Variants in MAN1A1 observed in about 807,000 individuals in gnomAD.
MAN1A1 encodes mannosidase alpha class 1A member 1.
Under a neutral mutation model 70.8 loss-of-function variants are expected in MAN1A1, and 29 were observed. The ratio of observed to expected loss-of-function variants is 0.41; its 90% confidence interval spans 0.31 to 0.56. The LOEUF is 0.56. Ranked by LOEUF, MAN1A1 falls within the 20% of genes least tolerant of loss-of-function variation. The pLI is 0.29. For synonymous variants in MAN1A1, 349 were observed against 330.1 expected (o/e 1.06, Z -0.62); for missense variants, 747 against 841.3 (o/e 0.89, Z 1.39).
Position 119,348,762 on chromosome 6 carries a change from C to T in MAN1A1, c.304G>A (p.Ala102Thr), listed in dbSNP as rs755568292. Reference sequence around the variant, plus strand: ...GGTGCCCCCTCCTCGCGGCGCCGGGCTCGCCCCTCGGCCGCGTCCTCGGCG... The same window carrying T: ...GGTGCCCCCTCCTCGCGGCGCCGGGTTCGCCCCTCGGCCGCGTCCTCGGCG... ...ARAEDAAEGRARRREEGAPGD... is the reference protein window; with the variant it reads ...ARAEDAAEGRTRRREEGAPGD... Residue 102 changes from alanine (A) to threonine (T), a missense_variant, in exon 2 of 13, where the codon GCC (alanine) becomes ACC (threonine). Physicochemically the swap from Ala to Thr is moderately conservative, Grantham distance 58. This residue lies in a region of MAN1A1 where 328 missense variants were observed against 293.1 expected (regional missense o/e 1.12). Transcript: ENST00000368468. 21 of 1,539,366 alleles carry T rather than the reference C, an allele frequency of 1.4e-5. No individual in the cohort carries two copies. The highest frequency in any genetic ancestry group is 2.6e-5 in the East Asian group (1 of 38,286).
chr6:119,211,499 A>G (rs563440421), intron 6 of MAN1A1, among the ~76,000 whole-genome samples: 1 of 152,378 alleles, frequency 6.6e-6, no homozygotes, highest in East Asian at 1.9e-4. Flanking sequence ...CCGAAAAGCA[A>G]AAACAAAGAG....
At chr6:119,322,416 C>T (rs1020769517) in intron 2 of MAN1A1, among the ~76,000 whole-genome samples, 10 of 152,174 alleles carry the variant, frequency 6.6e-5, no homozygotes, top group Admixed American at 5.2e-4. Context: ...CTCAGATCTC[C>T]GTTCTATTCG....
chr6:119,320,473 T>C (rs1772975694), intron 2 of MAN1A1, among the ~76,000 whole-genome samples: 1 of 152,190 alleles, frequency 6.6e-6, no homozygotes. Context: ...GCAGTATTTT[T>C]CATATTATTT....
chr6:119,179,054 A>C lies in MAN1A1; in HGVS notation c.*765T>G, dbSNP rs560456113. On this transcript the variant is annotated 3_prime_UTR_variant, in exon 13 of 13. Transcript: ENST00000368468. ...ATAGCAGAGCTCTGCAAAATTTGAA[A>C]GCTCACCTCTCTGTGTAGTGGGGAA... The C allele has an allele frequency of 1.4e-3, 209 of 152,304 alleles. 2 individuals carry two copies. The highest frequency in any genetic ancestry group is 4.8e-3 in the African/African-American group (201 of 41,576). 9.4% of individuals were successfully genotyped at this position (152,304 alleles called of 1,614,324 possible). A position where few individuals can be genotyped will look rare whatever the true frequency, so the allele number is the denominator to read the frequency against.
chr6:119,202,690 C>T (rs974602887), intron 7 of MAN1A1, among the ~76,000 whole-genome samples: 26 of 152,178 alleles, frequency 1.7e-4, no homozygotes, highest in Admixed American at 8.5e-4. Flanking sequence ...GTCACAAGGC[C>T]GTAGGAATTT....
intron 5 of MAN1A1, among the ~76,000 whole-genome samples, chr6:119,274,880 A>G (rs1469779665): frequency 6.6e-6 from 1 of 152,224 alleles, no homozygotes; most frequent in Non-Finnish European, 1.5e-5. Flanking sequence ...AAACATGGGA[A>G]AGAAAATGAG....
chr6:119,301,899 C>T (rs1038902946), intron 4 of MAN1A1, 89 bp downstream of exon 4: 1 of 675,618 alleles, frequency 1.5e-6, no homozygotes, highest in South Asian at 1.9e-5. Flanking sequence ...TGTTAGGGTA[C>T]ATTATAATAC....
chr6:119,299,392 G>GA (rs3839396), intron 4 of MAN1A1, among the ~76,000 whole-genome samples: 20,858 of 151,878 alleles, frequency 0.14, 1,756 homozygotes, highest in Admixed American at 0.26. Context: ...CTTATATTAA[G>GA]AAAATAGTAT....
chr6:119,271,755 C>T (rs1345202161), intron 5 of MAN1A1, among the ~76,000 whole-genome samples: 3 of 152,094 alleles, frequency 2.0e-5, no homozygotes, highest in Non-Finnish European at 4.4e-5. Flanking sequence ...CTGCCTGCCT[C>T]GGCCTCCCAA....
In MAN1A1 at chr6:119,306,744, T is replaced by C. The variant is rs1473466506; in HGVS notation, c.700+152A>G. ...CCACTACTCTAGCTGAAGGACACAC[T>C]ATGCACAATCCTTATCTAATTCCAT... On this transcript the variant is annotated intron_variant, in intron 3 of 12. Coordinates refer to ENST00000368468, the MANE Select transcript of MAN1A1 (RefSeq NM_005907.4). 6 of 639,224 alleles carry C rather than the reference T, an allele frequency of 9.4e-6. No homozygotes were observed. The Admixed American group carries it at 1.5e-4, about 15-fold the overall frequency. 39.6% of individuals were successfully genotyped at this position (639,224 alleles called of 1,614,324 possible). A position where few individuals can be genotyped will look rare whatever the true frequency, so the allele number is the denominator to read the frequency against.
intron 8 of MAN1A1, among the ~76,000 whole-genome samples, chr6:119,194,957 C>T (rs145627507): frequency 0.11 from 16,611 of 151,832 alleles, 1,515 homozygotes; most frequent in African/African-American, 0.25. Flanking sequence ...CTCAGCCTCC[C>T]GAGTAGCTGG....
intron 2 of MAN1A1, among the ~76,000 whole-genome samples, chr6:119,329,246 T>C (rs936562763): frequency 2.0e-5 from 3 of 152,230 alleles, no homozygotes; most frequent in African/African-American, 7.2e-5. Flanking sequence ...TTTAAACTTA[T>C]TGGCTATGTA....
At chr6:119,343,157 C>T (rs923508383) in intron 2 of MAN1A1, among the ~76,000 whole-genome samples, 17 of 151,354 alleles carry the variant, frequency 1.1e-4, no homozygotes, top group Non-Finnish European at 2.4e-4. Flanking sequence ...AAAGAAAAAC[C>T]ACCAACTTAG....
chr6:119,334,986 A>G (rs1396975237), intron 2 of MAN1A1, among the ~76,000 whole-genome samples: 1 of 152,140 alleles, frequency 6.6e-6, no homozygotes, highest in Non-Finnish European at 1.5e-5. Flanking sequence ...TGAATGAGGA[A>G]CCACTCCATT....
At chr6:119,229,793 C>T (rs1376709175) in intron 6 of MAN1A1, among the ~76,000 whole-genome samples, 1 of 152,092 alleles carries the variant, frequency 6.6e-6, no homozygotes, top group Admixed American at 6.5e-5. Context: ...TATATCTGCC[C>T]GTTCTGACTT....
intron 2 of MAN1A1, among the ~76,000 whole-genome samples, chr6:119,340,103 A>C (rs1582817511): frequency 1.3e-5 from 2 of 152,178 alleles, no homozygotes; most frequent in East Asian, 3.8e-4. Context: ...AAACAAAAAC[A>C]AAACAAAAAC....
chr6:119,257,783 T>C (rs1414071362), intron 5 of MAN1A1, among the ~76,000 whole-genome samples: 1 of 152,152 alleles, frequency 6.6e-6, no homozygotes, highest in Non-Finnish European at 1.5e-5. Context: ...TGTGTTATTG[T>C]AGGCTTTCTA....
At chr6:119,331,800 A>C (rs1004102809) in intron 2 of MAN1A1, 2 of 265,356 alleles carry the variant, frequency 7.5e-6, no homozygotes, top group African/African-American at 4.6e-5. Context: ...TCTCAGGCAG[A>C]GGAGTGACTG....
intron 5 of MAN1A1, among the ~76,000 whole-genome samples, chr6:119,265,687 T>A (rs1775734211): frequency 6.6e-6 from 1 of 152,006 alleles, no homozygotes. Flanking sequence ...CATAATACGG[T>A]GAGAAATAGA....
Sources: gnomAD v4.1 joint callset for allele counts (sites outside exome capture counted in the v4.1 genomes callset) on GRCh38, gnomAD v4.1.1 for gene constraint, gnomAD v4.1.1 regional missense constraint, MANE v1.5 for transcripts, NCBI Gene and HGNC (gene_info 2026-07-23, HGNC 2026-07-21) for gene names.